Variants in PDZD2 observed in about 807,000 individuals in gnomAD.
PDZD2 encodes the protein PDZ domain-containing protein 2.
Under a neutral mutation model 220.7 loss-of-function variants are expected in PDZD2, and 90 were observed. The observed-to-expected ratio is 0.41, with a 90% CI of 0.34 to 0.49. PDZD2 has a LOEUF of 0.49. Ranked by LOEUF, PDZD2 falls within the 20% of genes least tolerant of loss-of-function variation. The pLI is 0.28. For missense variants in PDZD2, 3,174 were observed against 3,608.5 expected (o/e 0.88, Z 3.08); for synonymous variants, 1,375 against 1,450.5 (o/e 0.95, Z 1.18).
In PDZD2 at chr5:32,057,825, G is replaced by A. The variant is rs1446418944; in HGVS notation, c.1975-53G>A. 4 of 1,223,502 alleles carry A rather than the reference G, an allele frequency of 3.3e-6. No individual in the cohort carries two copies. In the East Asian group the frequency reaches 7.3e-5, roughly 22 times the overall value. The allele number at this position is 1,223,502 out of a possible 1,614,324, so 75.8% of individuals were successfully genotyped here. On this transcript the variant is annotated intron_variant, in intron 11 of 24. Coordinates refer to ENST00000438447, the MANE Select transcript of PDZD2 (RefSeq NM_178140.4). ...AGTTGTTTTTTTTTTTTAACCCTTT[G>A]ATATAAGGACATTCCAAATGTTTCA...
intron 2 of PDZD2, among the ~76,000 whole-genome samples, chr5:31,968,133 A>G (rs962131036): frequency 1.3e-5 from 2 of 152,150 alleles, no homozygotes; most frequent in African/African-American, 4.8e-5. Context: ...GGATTAGTGC[A>G]CTTATAAAAG....
intron 1 of PDZD2, among the ~76,000 whole-genome samples, chr5:31,666,304 G>A (rs1419552441): frequency 6.6e-6 from 1 of 152,154 alleles, no homozygotes; most frequent in South Asian, 2.1e-4. Flanking sequence ...GCATCTTCCA[G>A]TTCCAACAGC....
chr5:31,703,932 C>CCT (rs913788620), intron 1 of PDZD2, among the ~76,000 whole-genome samples: 7 of 147,028 alleles, frequency 4.8e-5, no homozygotes, highest in Admixed American at 1.4e-4. Context: ...CTCTCTCTCT[C>CCT]CTCTCTCTCT....
chr5:31,788,404 G>T (rs548255026), intron 1 of PDZD2, among the ~76,000 whole-genome samples: 1 of 151,874 alleles, frequency 6.6e-6, no homozygotes, highest in Non-Finnish European at 1.5e-5. Context: ...AGTGGCTCAC[G>T]CCTGTAATCC....
intron 1 of PDZD2, among the ~76,000 whole-genome samples, chr5:31,660,538 C>T (rs548839109): frequency 2.1e-4 from 32 of 152,190 alleles, no homozygotes; most frequent in African/African-American, 6.7e-4. Flanking sequence ...CACAAGGTGG[C>T]AGGAGAGAGA....
At chr5:31,717,267 G>C (rs1748510423) in intron 1 of PDZD2, among the ~76,000 whole-genome samples, 2 of 152,164 alleles carry the variant, frequency 1.3e-5, no homozygotes, top group South Asian at 4.1e-4. Flanking sequence ...GTTAATGTTT[G>C]TTCCATAAGT....
At chr5:31,863,890 CAT>C (rs972937138) in intron 2 of PDZD2, among the ~76,000 whole-genome samples, 1 of 152,154 alleles carries the variant, frequency 6.6e-6, no homozygotes, top group African/African-American at 2.4e-5. Context: ...TAAAAAAAGT[CAT>C]AAGACATTTG....
At chr5:31,672,524 C>T (rs940092272) in intron 1 of PDZD2, among the ~76,000 whole-genome samples, 1 of 152,216 alleles carries the variant, frequency 6.6e-6, no homozygotes, top group East Asian at 1.9e-4. Context: ...GGCCTCCTGC[C>T]CCACTTGTCC....
At chr5:31,789,158 G>A (rs1753554741) in intron 1 of PDZD2, among the ~76,000 whole-genome samples, 1 of 152,138 alleles carries the variant, frequency 6.6e-6, no homozygotes. Context: ...GTCACAAGAT[G>A]GTTGCTAAAG....
intron 3 of PDZD2, among the ~76,000 whole-genome samples, chr5:31,991,476 A>T (rs1319031952): frequency 2.6e-5 from 4 of 152,214 alleles, no homozygotes; most frequent in Non-Finnish European, 5.9e-5. Context: ...GATCATCTTT[A>T]GCCTGAGTAG....
intron 2 of PDZD2, chr5:31,908,280 C>G (rs1470472631): frequency 9.1e-6 from 2 of 220,592 alleles, no homozygotes; most frequent in Admixed American, 5.7e-5. Context: ...CCCCCGCTCC[C>G]CATGAGCGCA....
chr5:32,065,748 G>T (rs1416908204), intron 14 of PDZD2, among the ~76,000 whole-genome samples: 1 of 152,236 alleles, frequency 6.6e-6, no homozygotes, highest in Admixed American at 6.5e-5. Context: ...AACCAGGCCG[G>T]GCTCTGTGGC....
At chr5:31,750,984 T>C (rs1216767973) in intron 1 of PDZD2, among the ~76,000 whole-genome samples, 1 of 152,186 alleles carries the variant, frequency 6.6e-6, no homozygotes, top group Admixed American at 6.5e-5. Context: ...GGCTCATACC[T>C]GTAATCCTAG....
At chr5:32,063,042 T>TTATTATTATTATTATTATTATTAG in intron 14 of PDZD2, among the ~76,000 whole-genome samples, 1 of 148,624 alleles carries the variant, frequency 6.7e-6, no homozygotes. Context: ...ATTATTATTA[T>TTATTATTATTATTATTATTATTAG]TATTATTATT....
In PDZD2 at chr5:31,962,202, GTTGACATT is replaced by G. The variant is rs1561199940; in HGVS notation, c.477-20950_477-20943del. Among the ~76,000 whole-genome samples the G allele has an allele frequency of 2.6e-5, 4 of 152,144 alleles. No individual in the cohort carries two copies. In the South Asian group the frequency reaches 8.3e-4, roughly 31 times the overall value. Reference sequence around the variant, plus strand: ...TTCAGCTCTTCTCTTAAGAAATAGTGTTGACATTTTCCACAGATCTGCTTGTGTATCTT... The same window carrying G: ...TTCAGCTCTTCTCTTAAGAAATAGTGTTCCACAGATCTGCTTGTGTATCTT... On this transcript the variant is annotated intron_variant, in intron 2 of 24. Coordinates refer to ENST00000438447, the MANE Select transcript of PDZD2 (RefSeq NM_178140.4).
chr5:32,027,516 A>T (rs1441896722), intron 6 of PDZD2, among the ~76,000 whole-genome samples: 50 of 152,310 alleles, frequency 3.3e-4, no homozygotes, highest in Admixed American at 9.8e-4. Flanking sequence ...CCACAGCCTG[A>T]GCGTCGCAGT....
Position 31,820,392 on chromosome 5 carries a change from T to C in PDZD2, c.476+20668T>C, listed in dbSNP as rs558163801. ...TAAAAGTGGAACCAGATTGGTCTGG[T>C]GTGACTACACTTTTTCACTTAACAC... On this transcript the variant is annotated intron_variant, in intron 2 of 24. Coordinates refer to ENST00000438447, the MANE Select transcript of PDZD2 (RefSeq NM_178140.4). Among the ~76,000 whole-genome samples the C allele has an allele frequency of 9.5e-5, 12 of 126,272 alleles. No individual in the cohort carries two copies. The East Asian group carries it at 2.1e-3, about 22-fold the overall frequency. The allele number at this position is 126,272 out of a possible 152,430, so 82.8% of individuals were successfully genotyped here. A position where few individuals can be genotyped will look rare whatever the true frequency, so the allele number is the denominator to read the frequency against.
chr5:31,913,756 G>A (rs780445602), intron 2 of PDZD2, among the ~76,000 whole-genome samples: 5 of 152,170 alleles, frequency 3.3e-5, no homozygotes, highest in Admixed American at 6.5e-5. Context: ...CACTATGGCC[G>A]GGGTTTAGAG....
intron 1 of PDZD2, among the ~76,000 whole-genome samples, chr5:31,767,050 A>T (rs1336838552): frequency 3.5e-5 from 3 of 84,726 alleles, no homozygotes; most frequent in Non-Finnish European, 5.9e-5. Context: ...TTTTTTTGAG[A>T]CAGAGTCTCA....
Sources: allele counts gnomAD v4.1 joint callset (sites outside exome capture counted in the v4.1 genomes callset), GRCh38; gene constraint gnomAD v4.1.1; transcripts MANE v1.5; gene names NCBI Gene and HGNC (gene_info 2026-07-23, HGNC 2026-07-21).